The following PAX6 variants were observed in gnomAD, a reference collection of about 807,000 sequenced individuals.
The protein encoded by PAX6 is paired box 6, also known as paired box protein Pax-6.
Under a neutral mutation model 60.7 loss-of-function variants are expected in PAX6, and 7 were observed. The ratio of observed to expected loss-of-function variants is 0.12; its 90% CI spans 0.07 to 0.22. The LOEUF (loss-of-function observed/expected upper bound fraction) is 0.22. Among genes scored for constraint, PAX6 ranks in the 10% least tolerant of loss-of-function variants. The pLI, the probability that PAX6 is intolerant of heterozygous loss-of-function variation, is 1.00. For missense variants in PAX6, 355 were observed against 555.2 expected (o/e 0.64, Z 3.62); for synonymous variants, 208 against 201.2 (o/e 1.03, Z -0.29).
chr11:31,789,585 A>G lies in PAX6; in HGVS notation c.*349T>C, dbSNP rs1202325630. 2 of 606,792 alleles carry G rather than the reference A, an allele frequency of 3.3e-6. No homozygotes were observed. Among genetic ancestry groups the G allele is most frequent in the South Asian group, 4.1e-5 (2 of 48,894 alleles). The allele number at this position is 606,792 out of a possible 1,614,324, so 37.6% of individuals were successfully genotyped here. A position where few individuals can be genotyped will look rare whatever the true frequency, so the allele number is the denominator to read the frequency against. On this transcript the variant is annotated 3_prime_UTR_variant, in exon 14 of 14. Transcript: ENST00000640368. Reference sequence around the variant, plus strand: ...GATCATGGTTTTCTTTTTAAAAAAAAAAAAAACAACTTCATGACCAACACA... The same window carrying G: ...GATCATGGTTTTCTTTTTAAAAAAAGAAAAAACAACTTCATGACCAACACA...
intron 8 of PAX6, among the ~76,000 whole-genome samples, chr11:31,799,093 G>A (rs1265116584): frequency 2.6e-5 from 4 of 152,282 alleles, no homozygotes; most frequent in Non-Finnish European, 4.4e-5. Context: ...GGGCGGAGGG[G>A]TGGACGCTCG....
At chr11:31,790,646 G>C (rs905760250) in intron 13 of PAX6, 64 bp downstream of exon 13, 3 of 1,607,820 alleles carry the variant, frequency 1.9e-6, no homozygotes, top group Admixed American at 1.7e-5. Flanking sequence ...AGGAGATTCT[G>C]TTTGGGTAAA....
chr11:31,812,073 C>T (rs1311917654), upstream of PAX6: 1 of 152,296 alleles, frequency 6.6e-6, no homozygotes, highest in Non-Finnish European at 1.5e-5. Context: ...TGGAGAGGCC[C>T]GAGTAAACAC....
At chr11:31,802,204 CT>C in intron 5 of PAX6, 1 of 426,788 alleles carries the variant, frequency 2.3e-6, no homozygotes, top group South Asian at 2.9e-5. Flanking sequence ...ACTTCTTCTT[CT>C]TTAAAAAATA....
chr11:31,815,771 C>CAAAAAAA (rs5790868), upstream of PAX6, among the ~76,000 whole-genome samples: 52 of 137,752 alleles, frequency 3.8e-4, no homozygotes, highest in African/African-American at 1.1e-3. Context: ...GCGCTATCTC[C>CAAAAAAA]AAAAAAAAAA....
At chr11:31,790,514 CAATTTT>C in intron 13 of PAX6, 190 bp downstream of exon 13, 1 of 983,540 alleles carries the variant, frequency 1.0e-6, no homozygotes, top group Non-Finnish European at 1.2e-6. Context: ...TCAGGAAAAA[CAATTTT>C]AGTTTTTGTC....
chr11:31,802,445 T>A (rs536482257), intron 5 of PAX6: 174 of 474,934 alleles, frequency 3.7e-4, no homozygotes, highest in African/African-American at 1.7e-3. Context: ...AAGATTTTTT[T>A]AAAAAAATCC....
At chr11:31,817,285 C>T (rs1957424840) in intron 1 of PAX6, among the ~76,000 whole-genome samples, 1 of 152,286 alleles carries the variant, frequency 6.6e-6, no homozygotes, top group East Asian at 1.9e-4. Context: ...AAACGAACCC[C>T]ATCTCTAGAC....
rs1241574609 is a variant in PAX6 at position 31,811,262 on chromosome 11, G to A, written c.-464C>T. ...CACTTCCTCCTGCGCCTGAACCAGA[G>A]CGGGAAATGAGGCCGAGCCACGGTT... On this transcript the variant is annotated 5_prime_UTR_variant, in exon 1 of 14. Transcript: ENST00000640368. The A allele has an allele frequency of 2.5e-6, 1 of 399,018 alleles. No homozygotes were observed. Among genetic ancestry groups the A allele is most frequent in the Admixed American group, 4.4e-5 (1 of 22,718 alleles). The allele number at this position is 399,018 out of a possible 1,614,324, so 24.7% of individuals were successfully genotyped here. A position where few individuals can be genotyped will look rare whatever the true frequency, so the allele number is the denominator to read the frequency against.
In PAX6 at chr11:31,806,422, G is replaced by A. The variant is rs1302560829; in HGVS notation, c.-11C>T. ...CTTACTGTTCTGCATGCTGGCTCTGGCTGGGGGCCGCGGGATTCCACGGGG... is the reference window on the plus strand; with the variant it reads ...CTTACTGTTCTGCATGCTGGCTCTGACTGGGGGCCGCGGGATTCCACGGGG... On this transcript the variant is annotated 5_prime_UTR_variant, in exon 4 of 14. Transcript: ENST00000640368. 6.2e-7 allele frequency: 1 copy of A among 1,609,570 alleles called. No homozygotes were observed. The highest frequency in any genetic ancestry group is 1.3e-5 in the African/African-American group (1 of 74,970).
At chr11:31,806,485 T>C in intron 3 of PAX6, 23 bp from the exon 4 acceptor site, 1 of 1,559,700 alleles carries the variant, frequency 6.4e-7, no homozygotes, top group Non-Finnish European at 8.7e-7. Flanking sequence ...AAATAGGAGT[T>C]AATCCTCGGG....
Position 31,790,743 on chromosome 11 carries a change from G to C in PAX6, c.1192C>G (p.Gln398Glu). The C allele has an allele frequency of 6.2e-7, 1 of 1,614,090 alleles. No homozygotes were observed. The highest frequency in any genetic ancestry group is 8.5e-7 in the Non-Finnish European group (1 of 1,180,012). Residue 398 changes from glutamine (Q) to glutamate (E), a missense_variant, in exon 13 of 14, where the codon CAG becomes GAG. This residue lies in a region of PAX6 where 149 missense variants were observed against 191.9 expected (regional missense o/e 0.78). Coordinates refer to ENST00000640368, the MANE Select transcript of PAX6 (RefSeq NM_001368894.2). ...GTGGTGCCCGAGGTGCCCATTGGCT[G>C]ACTGTTCATGTGTGTCTGCATATGT... ...PPHMQTHMNS[Q>E]PMGTSGTTST...
intron 12 of PAX6, chr11:31,791,918 G>T (rs1950081566): frequency 6.6e-6 from 1 of 152,110 alleles, no homozygotes; most frequent in Non-Finnish European, 1.5e-5. Context: ...TGTACTTTTT[G>T]AATTATACAA....
chr11:31,796,215 A>AC (rs1951450803), intron 8 of PAX6, among the ~76,000 whole-genome samples: 2 of 152,212 alleles, frequency 1.3e-5, no homozygotes, highest in South Asian at 4.1e-4. Context: ...TCAGCGCTGC[A>AC]CAATGCCCCG....
chr11:31,812,531 C>T (rs1460764957), upstream of PAX6: 1 of 152,456 alleles, frequency 6.6e-6, no homozygotes, highest in Non-Finnish European at 1.5e-5. Context: ...TGACCACACA[C>T]CAGAAGTCCA....
upstream of PAX6, among the ~76,000 whole-genome samples, chr11:31,815,476 G>A (rs1957335437): frequency 6.6e-6 from 1 of 152,076 alleles, no homozygotes; most frequent in Non-Finnish European, 1.5e-5. Flanking sequence ...GTAGACCTGG[G>A]AACAGGCAGG....
At chr11:31,800,885 T>C in intron 7 of PAX6, 29 bp from the exon 8 acceptor site, 2 of 1,610,588 alleles carry the variant, frequency 1.2e-6, no homozygotes, top group African/African-American at 1.3e-5. Flanking sequence ...TCAAACCAAA[T>C]GGTAGTGTCT....
intron 4 of PAX6, chr11:31,806,081 G>A: frequency 2.4e-6 from 1 of 422,778 alleles, no homozygotes; most frequent in South Asian, 5.5e-5. Flanking sequence ...TCTCTCCGGG[G>A]TCAGAGCCCG....
chr11:31,790,260 G>GAA, intron 13 of PAX6: 1 of 484,314 alleles, frequency 2.1e-6, no homozygotes. Context: ...CAAAGGAAAA[G>GAA]AAAAAAAAAA....
Sources: allele counts gnomAD v4.1 joint callset (sites outside exome capture counted in the v4.1 genomes callset), GRCh38; gene constraint gnomAD v4.1.1; regional missense constraint gnomAD v4.1.1; transcripts MANE v1.5; gene names NCBI Gene and HGNC (gene_info 2026-07-23, HGNC 2026-07-21).